ENTREP2: variants seen among roughly 807,000 people sequenced by gnomAD.
ENTREP2 encodes the protein endosomal transmembrane epsin interactor 2.
At chr15:29,663,274 C>G in the ENTREP2 span, among the ~76,000 whole-genome samples, 1 of 152,006 alleles carries the variant, frequency 6.6e-6, no homozygotes, top group Non-Finnish European at 1.5e-5. Flanking sequence ...AATCCCAGCA[C>G]TTTGGGAGGC....
the ENTREP2 span, among the ~76,000 whole-genome samples, chr15:29,470,387 T>C: frequency 6.6e-6 from 1 of 152,178 alleles, no homozygotes; most frequent in African/African-American, 2.4e-5. Flanking sequence ...TACATTTACC[T>C]GCTTCGTCTC....
At chr15:29,288,928 C>T in the ENTREP2 span, among the ~76,000 whole-genome samples, 3 of 152,042 alleles carry the variant, frequency 2.0e-5, no homozygotes, top group Non-Finnish European at 4.4e-5. Context: ...GAAAAATGGG[C>T]GGGGTGCAGA....
chr15:29,657,030 G>C, the ENTREP2 span, among the ~76,000 whole-genome samples: 1 of 152,050 alleles, frequency 6.6e-6, no homozygotes, highest in African/African-American at 2.4e-5. Flanking sequence ...AACGAAGCCG[G>C]GCCTTCGTGG....
chr15:29,556,879 G>C, the ENTREP2 span, among the ~76,000 whole-genome samples: 1 of 151,920 alleles, frequency 6.6e-6, no homozygotes, highest in East Asian at 2.0e-4. Flanking sequence ...AATGTGACTG[G>C]GTGCAGGATG....
chr15:29,385,307 G>A, the ENTREP2 span, among the ~76,000 whole-genome samples: 1 of 152,188 alleles, frequency 6.6e-6, no homozygotes, highest in Admixed American at 6.5e-5. Flanking sequence ...TACAGGGAGA[G>A]TTCTTGACCT....
At chr15:29,428,222 T>A in the ENTREP2 span, among the ~76,000 whole-genome samples, 1,141 of 152,272 alleles carry the variant, frequency 7.5e-3, 17 homozygotes, top group African/African-American at 0.026. Flanking sequence ...ACTTCCATGT[T>A]TGTTTGTTTG....
At chr15:29,412,334 T>C in the ENTREP2 span, among the ~76,000 whole-genome samples, 10 of 152,194 alleles carry the variant, frequency 6.6e-5, no homozygotes, top group African/African-American at 2.4e-4. Context: ...TTTTGTGCTA[T>C]TGTAAATAAT....
At chr15:29,494,923 T>C in the ENTREP2 span, among the ~76,000 whole-genome samples, 1 of 152,194 alleles carries the variant, frequency 6.6e-6, no homozygotes, top group African/African-American at 2.4e-5. Context: ...TGTATGTGTG[T>C]CACATTTTAT....
the ENTREP2 span, among the ~76,000 whole-genome samples, chr15:29,379,388 G>A: frequency 6.6e-6 from 1 of 152,136 alleles, no homozygotes; most frequent in African/African-American, 2.4e-5. Context: ...CCAGCAATTA[G>A]TGTCACCCTA....
the ENTREP2 span, among the ~76,000 whole-genome samples, chr15:29,626,470 A>G: frequency 3.5e-4 from 53 of 152,256 alleles, no homozygotes; most frequent in Admixed American, 1.0e-3. Flanking sequence ...TTCTGCCACA[A>G]TTGCGAGGCC....
the ENTREP2 span, among the ~76,000 whole-genome samples, chr15:29,415,823 T>C: frequency 6.6e-6 from 1 of 152,146 alleles, no homozygotes; most frequent in Non-Finnish European, 1.5e-5. Flanking sequence ...AAAATCAATG[T>C]GCAAAAATCA....
chr15:29,646,235 T>C, the ENTREP2 span, among the ~76,000 whole-genome samples: 1 of 152,218 alleles, frequency 6.6e-6, no homozygotes. Context: ...CACCTCACCA[T>C]TCTGGAGGTC....
At chr15:29,517,523 T>TA in the ENTREP2 span, among the ~76,000 whole-genome samples, 76 of 152,036 alleles carry the variant, frequency 5.0e-4, 1 homozygote, top group Admixed American at 3.9e-3. Context: ...CTTCCCGTTG[T>TA]AAAAAAAAGG....
the ENTREP2 span, among the ~76,000 whole-genome samples, chr15:29,341,789 A>G: frequency 6.6e-6 from 1 of 152,168 alleles, no homozygotes; most frequent in South Asian, 2.1e-4. Flanking sequence ...CCTTACAAGC[A>G]CGGAGAGAAA....
the ENTREP2 span, among the ~76,000 whole-genome samples, chr15:29,470,250 G>T: frequency 1.3e-5 from 2 of 152,226 alleles, no homozygotes; most frequent in Admixed American, 1.3e-4. Context: ...TGCCACGTTT[G>T]TTCTATGTGT....
At chr15:29,630,814 A>G in the ENTREP2 span, among the ~76,000 whole-genome samples, 1 of 152,114 alleles carries the variant, frequency 6.6e-6, no homozygotes, top group East Asian at 1.9e-4. Context: ...CAGCCTCCCG[A>G]GTAGTTGGGA....
the ENTREP2 span, among the ~76,000 whole-genome samples, chr15:29,331,361 A>T: frequency 6.6e-6 from 1 of 151,942 alleles, no homozygotes. Context: ...CACCTCTCAT[A>T]CTACCCTGTC....
the ENTREP2 span, among the ~76,000 whole-genome samples, chr15:29,405,956 C>G: frequency 2.0e-5 from 3 of 152,212 alleles, no homozygotes; most frequent in Admixed American, 1.3e-4. Context: ...TTAGGAAAGG[C>G]AGATAAGCTG....
At chr15:29,263,949 T>C in the ENTREP2 span, among the ~76,000 whole-genome samples, 1 of 151,932 alleles carries the variant, frequency 6.6e-6, no homozygotes, top group African/African-American at 2.4e-5. Context: ...GGTCAGGAGA[T>C]TGAGACCATC....
Sources: allele counts gnomAD v4.1 joint callset (sites outside exome capture counted in the v4.1 genomes callset), GRCh38; gene constraint gnomAD v4.1.1; transcripts MANE v1.5; gene names NCBI Gene and HGNC (gene_info 2026-07-23, HGNC 2026-07-21).